STPG2: variants seen among roughly 807,000 people sequenced by gnomAD.
STPG2 encodes sperm-tail PG-rich repeat-containing protein 2.
Under a neutral mutation model 54.2 loss-of-function variants are expected in STPG2, and 56 were observed. The ratio of observed to expected loss-of-function variants is 1.03; its 90% CI spans 0.83 to 1.29. The LOEUF (loss-of-function observed/expected upper bound fraction) is 1.29. Among genes scored for constraint, STPG2 ranks in the 50% most tolerant of loss-of-function variants. STPG2 has a pLI of 0.00. For missense variants in STPG2, 596 were observed against 544.9 expected (o/e 1.09, Z -0.93); for synonymous variants, 200 against 181.8 (o/e 1.10, Z -0.81).
chr4:97,968,207 T>C (rs889316968), intron 7 of STPG2, among the ~76,000 whole-genome samples: 1 of 152,006 alleles, frequency 6.6e-6, no homozygotes, highest in African/African-American at 2.4e-5. Flanking sequence ...AAATACAAAC[T>C]ACCATCAGAG....
intron 4 of STPG2, among the ~76,000 whole-genome samples, chr4:97,548,644 T>C (rs1399040291): frequency 6.6e-6 from 1 of 152,238 alleles, no homozygotes; most frequent in Non-Finnish European, 1.5e-5. Flanking sequence ...ATTTAGTTCT[T>C]GAATTCTTTT....
At chr4:97,903,128 G>A (rs1731243250) in intron 8 of STPG2, among the ~76,000 whole-genome samples, 1 of 152,034 alleles carries the variant, frequency 6.6e-6, no homozygotes. Context: ...AATATATTCT[G>A]GACACCTACC....
intron 4 of STPG2, among the ~76,000 whole-genome samples, chr4:97,489,258 A>G (rs1730446426): frequency 6.6e-6 from 1 of 151,882 alleles, no homozygotes; most frequent in Non-Finnish European, 1.5e-5. Context: ...GCCCAGTCTC[A>G]GGCATGTCTT....
chr4:97,700,404 T>C (rs147346740), intron 10 of STPG2, among the ~76,000 whole-genome samples: 2 of 152,278 alleles, frequency 1.3e-5, no homozygotes, highest in Non-Finnish European at 2.9e-5. Context: ...TCCCAATAGG[T>C]GCAGTAGGCA....
intron 5 of STPG2, among the ~76,000 whole-genome samples, chr4:98,065,702 C>G (rs1737812722): frequency 6.6e-6 from 1 of 152,118 alleles, no homozygotes; most frequent in Admixed American, 6.6e-5. Context: ...AGGAAAAATC[C>G]AATCTATGAA....
chr4:97,693,186 GA>G (rs1723434497), intron 10 of STPG2, among the ~76,000 whole-genome samples: 1 of 148,966 alleles, frequency 6.7e-6, no homozygotes, highest in African/African-American at 2.5e-5. Flanking sequence ...ATGATGAATA[GA>G]ATAGTACCTC....
chr4:98,045,532 A>G (rs1490399787), intron 5 of STPG2, among the ~76,000 whole-genome samples: 1 of 152,174 alleles, frequency 6.6e-6, no homozygotes, highest in African/African-American at 2.4e-5. Flanking sequence ...AAACAAGTCT[A>G]GTGGTGATAA....
intron 9 of STPG2, among the ~76,000 whole-genome samples, chr4:97,801,049 G>A (rs552761891): frequency 1.1e-4 from 16 of 152,264 alleles, no homozygotes; most frequent in Admixed American, 2.6e-4. Context: ...TATTAGGGTC[G>A]GACTGACCCA....
intron 8 of STPG2, among the ~76,000 whole-genome samples, chr4:97,877,054 T>C (rs1730201486): frequency 6.6e-6 from 1 of 152,212 alleles, no homozygotes; most frequent in African/African-American, 2.4e-5. Flanking sequence ...TAAAACTAAT[T>C]AACAAATCCA....
chr4:97,442,653 A>G (rs921691239), intron 4 of STPG2, among the ~76,000 whole-genome samples: 2 of 152,162 alleles, frequency 1.3e-5, no homozygotes, highest in African/African-American at 4.8e-5. Context: ...GGCTTATTTA[A>G]CAGAGGGCTT....
chr4:97,887,058 G>A (rs954932198), intron 8 of STPG2, among the ~76,000 whole-genome samples: 7 of 152,156 alleles, frequency 4.6e-5, no homozygotes, highest in Admixed American at 2.0e-4. Context: ...TACAGCCTGT[G>A]GAACTGTGAG....
At chr4:98,021,023 T>C (rs1446006053) in intron 5 of STPG2, among the ~76,000 whole-genome samples, 3 of 152,188 alleles carry the variant, frequency 2.0e-5, no homozygotes, top group Non-Finnish European at 4.4e-5. Flanking sequence ...TTTAATTCAG[T>C]TCTGCTCTGA....
chr4:97,510,844 G>A (rs537268189), intron 4 of STPG2, among the ~76,000 whole-genome samples: 14 of 152,140 alleles, frequency 9.2e-5, no homozygotes, highest in African/African-American at 3.4e-4. Context: ...GGCTCACGCC[G>A]GTAATCCCAG....
At chr4:97,982,261 G>A (rs1734706551) in intron 5 of STPG2, among the ~76,000 whole-genome samples, 1 of 151,990 alleles carries the variant, frequency 6.6e-6, no homozygotes, top group South Asian at 2.1e-4. Flanking sequence ...GAAAATATGT[G>A]TATAACCTTT....
intron 4 of STPG2, among the ~76,000 whole-genome samples, chr4:97,543,265 GA>G (rs1325023271): frequency 6.6e-6 from 1 of 151,582 alleles, no homozygotes; most frequent in Non-Finnish European, 1.5e-5. Flanking sequence ...CCCTATGGCA[GA>G]AACATGGGGA....
At chr4:98,003,217 T>C (rs1735468251) in intron 5 of STPG2, among the ~76,000 whole-genome samples, 1 of 151,990 alleles carries the variant, frequency 6.6e-6, no homozygotes. Flanking sequence ...CTCTAACAGA[T>C]GAAAAGTTGT....
Position 97,724,752 on chromosome 4 carries a change from AG to A in STPG2, c.1205-11939del, listed in dbSNP as rs571727965. On this transcript the variant is annotated intron_variant, in intron 9 of 10. Coordinates refer to ENST00000295268, the MANE Select transcript of STPG2 (RefSeq NM_174952.3). ...ATGTGAACCACCTACTTTGTTAAGAAGGTGTGGTAATAGTAGGTATCCTTGT... is the reference window on the plus strand; with the variant it reads ...ATGTGAACCACCTACTTTGTTAAGAAGTGTGGTAATAGTAGGTATCCTTGT... Among the ~76,000 whole-genome samples the A allele has an allele frequency of 1.9e-4, 29 of 152,220 alleles. 1 individual carries two copies. The highest frequency in any genetic ancestry group is 3.4e-3 in the Middle Eastern group (1 of 294).
intron 5 of STPG2, among the ~76,000 whole-genome samples, chr4:98,082,254 A>G (rs1738368951): frequency 6.6e-6 from 1 of 151,752 alleles, no homozygotes; most frequent in Admixed American, 6.6e-5. Context: ...GTTTAGTCCT[A>G]CCCCACTTTA....
At chr4:98,003,996 G>A (rs555922770) in intron 5 of STPG2, among the ~76,000 whole-genome samples, 12 of 150,432 alleles carry the variant, frequency 8.0e-5, no homozygotes, top group South Asian at 2.1e-4. Flanking sequence ...ACATAACTAC[G>A]TGTGTGTGTG....
Sources: gnomAD v4.1 joint callset for allele counts (sites outside exome capture counted in the v4.1 genomes callset) on GRCh38, gnomAD v4.1.1 for gene constraint, MANE v1.5 for transcripts, NCBI Gene and HGNC (gene_info 2026-07-23, HGNC 2026-07-21) for gene names.